IGDCC4: variants seen among roughly 807,000 people sequenced by gnomAD.
IGDCC4 encodes the protein immunoglobulin superfamily DCC subclass member 4, also known as likely ortholog of mouse neighbor of Punc E11.
Under a neutral mutation model 116.6 loss-of-function variants are expected in IGDCC4, and 72 were observed. The observed-to-expected ratio is 0.62, with a 90% CI of 0.51 to 0.75. IGDCC4 has a LOEUF of 0.75. Among genes scored for constraint, IGDCC4 ranks in the 30% least tolerant of loss-of-function variants. IGDCC4 has a pLI of 0.00. For synonymous variants in IGDCC4, 709 were observed against 719.9 expected (o/e 0.98, Z 0.24); for missense variants, 1,501 against 1,662.4 (o/e 0.90, Z 1.69).
At chr15:65,388,074 T>C (rs545522028) in intron 16 of IGDCC4, among the ~76,000 whole-genome samples, 37 of 152,118 alleles carry the variant, frequency 2.4e-4, no homozygotes, top group African/African-American at 8.4e-4. Flanking sequence ...TGAAATCCTG[T>C]CTCTACTAAA....
At chr15:65,415,924 T>G (rs2063138329) in intron 1 of IGDCC4, among the ~76,000 whole-genome samples, 1 of 151,444 alleles carries the variant, frequency 6.6e-6, no homozygotes, top group South Asian at 2.1e-4. Context: ...GACAAGGGGG[T>G]GTGGTGGGAC....
intron 1 of IGDCC4, among the ~76,000 whole-genome samples, chr15:65,419,953 G>T (rs28671582): frequency 0.25 from 38,174 of 151,930 alleles, 5,793 homozygotes; most frequent in East Asian, 0.72. Context: ...TTGTTGTTGT[G>T]TTTGTTTTTT....
chr15:65,399,761 TTAAAC>T (rs1459478514), intron 5 of IGDCC4, among the ~76,000 whole-genome samples: 1 of 152,186 alleles, frequency 6.6e-6, no homozygotes, highest in African/African-American at 2.4e-5. Flanking sequence ...TTTATTTTCT[TTAAAC>T]TATATATATT....
intron 6 of IGDCC4, 196 bp from the exon 7 acceptor site, chr15:65,396,359 C>T (rs1279119580): frequency 1.4e-6 from 1 of 713,384 alleles, no homozygotes; most frequent in Admixed American, 2.0e-5. Context: ...TTTACCCCAG[C>T]CCCACAACGA....
intron 3 of IGDCC4, among the ~76,000 whole-genome samples, chr15:65,408,449 C>T (rs760381086): frequency 1.3e-5 from 2 of 152,190 alleles, no homozygotes; most frequent in African/African-American, 2.4e-5. Context: ...GTTAGAAAGG[C>T]TGGGTCAGCA....
At chr15:65,394,596 G>C in intron 8 of IGDCC4, 48 bp from the exon 9 acceptor site, 1 of 1,535,960 alleles carries the variant, frequency 6.5e-7, no homozygotes, top group Non-Finnish European at 8.8e-7. Flanking sequence ...CGACGTGGAA[G>C]GTGAGGCTCG....
At chr15:65,420,527 G>A (rs1386307056) in intron 1 of IGDCC4, among the ~76,000 whole-genome samples, 1 of 152,128 alleles carries the variant, frequency 6.6e-6, no homozygotes, top group Admixed American at 6.5e-5. Flanking sequence ...GGACTCTCAG[G>A]CCAGAAACCT....
intron 15 of IGDCC4, 34 bp from the exon 16 acceptor site, chr15:65,388,620 G>C (rs2091483665): frequency 6.2e-7 from 1 of 1,612,928 alleles, no homozygotes; most frequent in African/African-American, 1.3e-5. Context: ...AGCAGGGATG[G>C]TGGATGGGGT....
chr15:65,395,037 C>A (rs1260674191), intron 8 of IGDCC4, 57 bp downstream of exon 8: 2 of 1,536,854 alleles, frequency 1.3e-6, no homozygotes, highest in African/African-American at 2.7e-5. Context: ...GGTGAGCTCC[C>A]CTCCCCAGGG....
chr15:65,410,801 A>C (rs1477765752), intron 2 of IGDCC4: 1 of 566,860 alleles, frequency 1.8e-6, no homozygotes, highest in African/African-American at 1.9e-5. Flanking sequence ...GAAAAGCAGA[A>C]GGAACAGGGG....
At position 65,392,224 on chromosome 15, in the gene IGDCC4, G is replaced by T. The variant is rs757913847; in HGVS notation, c.2032C>A (p.Arg678Ser). ...VGAEEEANGD[R>S]LPGGRGDQAW... ...TGGTCTCCACGGCCCCCTGGCAGGC[G>T]ATCGCCATTGGCCTCCTCCTCAGCC... Residue 678 changes from arginine to serine, a missense_variant, in exon 11 of 20, where the codon CGC becomes AGC. Physicochemically the swap from Arg to Ser is moderately radical, Grantham distance 110. This residue lies in a region of IGDCC4 where 898 missense variants were observed against 978.9 expected (regional missense o/e 0.92). Transcript: ENST00000352385. The T allele has an allele frequency of 1.9e-6, 3 of 1,613,824 alleles. No individual in the cohort carries two copies. Among genetic ancestry groups the T allele is most frequent in the Non-Finnish European group, 1.7e-6 (2 of 1,179,902 alleles).
Position 65,384,870 on chromosome 15 carries a change from G to A in IGDCC4, c.3342+84C>T. Reference sequence around the variant, plus strand: ...ATCCCCAGGAAAGTTACCACCCAGGGGTCTCCAGAGAACTCATTACTTCCT... The same window carrying A: ...ATCCCCAGGAAAGTTACCACCCAGGAGTCTCCAGAGAACTCATTACTTCCT... On this transcript the variant is annotated intron_variant, in intron 19 of 19. Transcript: ENST00000352385. This position sits in a 1 kb window ranked among gnomAD's most constrained non-coding sequence, Gnocchi z 4.9. 6.7e-7 allele frequency: 1 copy of A among 1,498,720 alleles called. No individual in the cohort carries two copies. The allele number at this position is 1,498,720 out of a possible 1,614,324, so 92.8% of individuals were successfully genotyped here.
chr15:65,392,816 G>A (rs1435864031), intron 10 of IGDCC4, among the ~76,000 whole-genome samples: 3 of 152,178 alleles, frequency 2.0e-5, no homozygotes, highest in Non-Finnish European at 4.4e-5. Context: ...AGCTTACAAT[G>A]TGTCAAACAC....
At chr15:65,399,501 A>C (rs2062964481) in intron 5 of IGDCC4, among the ~76,000 whole-genome samples, 1 of 151,802 alleles carries the variant, frequency 6.6e-6, no homozygotes. Flanking sequence ...TCCGGGGTGA[A>C]GAAAGGAGTC....
chr15:65,385,980 T>TGGGGGGGG lies in IGDCC4; in HGVS notation c.3030_3031insCCCCCCCC (p.Ser1011ProfsTer62), dbSNP rs771839118. The TGGGGGGGG allele has an allele frequency of 1.0e-6, 1 of 953,716 alleles. No individual in the cohort carries two copies. Among genetic ancestry groups the TGGGGGGGG allele is most frequent in the Non-Finnish European group, 1.4e-6 (1 of 737,214 alleles). The allele number at this position is 953,716 out of a possible 1,614,324, so 59.1% of individuals were successfully genotyped here. ...TCCAATTCATGGGCAGCTGGGGGGC[T>TGGGGGGGG]GGGGGGGCCAAGCCGAGCTCTGGAG... On this transcript the variant is annotated frameshift_variant, in exon 18 of 20. Coordinates refer to ENST00000352385, the MANE Select transcript of IGDCC4 (RefSeq NM_020962.3). LOFTEE classifies it high-confidence loss of function.
At chr15:65,405,961 C>A (rs2063037660) in intron 3 of IGDCC4, among the ~76,000 whole-genome samples, 1 of 152,166 alleles carries the variant, frequency 6.6e-6, no homozygotes, top group Non-Finnish European at 1.5e-5. Context: ...TCCCAAGGGC[C>A]AAGGAGCCCC....
rs546448459 is a variant in IGDCC4, at chr15:65,383,626, C to A, written c.*383G>T. On this transcript the variant is annotated 3_prime_UTR_variant, in exon 20 of 20. Transcript: ENST00000352385. ...TCAGAGTGTGTAATAAAAGGCTGGG[C>A]GATGGAGGTGGGGGCCCACAGGGCT... The A allele has an allele frequency of 1.1e-5, 2 of 176,466 alleles. No homozygotes were observed. Among genetic ancestry groups the A allele is most frequent in the Admixed American group, 1.2e-4 (2 of 16,074 alleles). 10.9% of individuals were successfully genotyped at this position (176,466 alleles called of 1,614,324 possible). A position where few individuals can be genotyped will look rare whatever the true frequency, so the allele number is the denominator to read the frequency against.
chr15:65,419,257 A>G (rs1165544012), intron 1 of IGDCC4, among the ~76,000 whole-genome samples: 1 of 149,806 alleles, frequency 6.7e-6, no homozygotes, highest in Non-Finnish European at 1.5e-5. Flanking sequence ...TTTCGTAGAA[A>G]TGAGGTCTCA....
intron 4 of IGDCC4, 95 bp from the exon 5 acceptor site, chr15:65,401,041 CG>C: frequency 6.6e-7 from 1 of 1,508,422 alleles, no homozygotes; most frequent in Non-Finnish European, 9.1e-7. Flanking sequence ...GAGGTGGTAC[CG>C]GGGACAGCAG....
Sources: gnomAD v4.1 joint callset for allele counts (sites outside exome capture counted in the v4.1 genomes callset) on GRCh38, gnomAD v4.1.1 for gene constraint, gnomAD v4.1.1 regional missense constraint, Gnocchi (gnomAD v3.1) non-coding constraint, MANE v1.5 for transcripts, NCBI Gene and HGNC (gene_info 2026-07-23, HGNC 2026-07-21) for gene names.